Variants in FSD1L observed in about 807,000 individuals in gnomAD.
FSD1L encodes FSD1-like protein.
FSD1L carries 45 observed loss-of-function variants against 71.6 expected under a neutral mutation model. The observed-to-expected ratio is 0.63, with a 90% confidence interval of 0.49 to 0.81. FSD1L has a LOEUF of 0.81. FSD1L is among the 30% of genes least tolerant of loss of function. FSD1L has a pLI of 0.00. For missense variants in FSD1L, 561 were observed against 618.1 expected, an observed-to-expected ratio of 0.91 and a Z score of 0.98; for synonymous variants, 197 against 207.2, an observed-to-expected ratio of 0.95 and a Z score of 0.42.
At chr9:105,517,548 A>T (rs1173238466) in intron 10 of FSD1L, among the ~76,000 whole-genome samples, 3 of 152,222 alleles carry the variant, frequency 2.0e-5, no homozygotes, top group Admixed American at 1.3e-4. Context: ...AGAATTTCAT[A>T]TCCAGCCAAA....
chr9:105,488,606 T>C (rs1418098272), intron 7 of FSD1L, among the ~76,000 whole-genome samples: 3 of 152,196 alleles, frequency 2.0e-5, no homozygotes, highest in East Asian at 3.8e-4. Context: ...TCTTCCTAAG[T>C]GTCTGTATGA....
At chr9:105,546,331 C>A in intron 13 of FSD1L, 27 bp from the exon 14 acceptor site, 1 of 1,498,804 alleles carries the variant, frequency 6.7e-7, no homozygotes, top group Non-Finnish European at 8.9e-7. Flanking sequence ...GATTTGCAAT[C>A]TGACAGGTTT....
intron 1 of FSD1L, among the ~76,000 whole-genome samples, chr9:105,452,733 C>T (rs1588905446): frequency 2.5e-5 from 3 of 120,334 alleles, no homozygotes; most frequent in Middle Eastern, 4.0e-3. Flanking sequence ...CTTCTTTCCT[C>T]CTCTCCTCTC....
At chr9:105,484,598 G>A in intron 7 of FSD1L, 96 bp downstream of exon 7, 1 of 701,514 alleles carries the variant, frequency 1.4e-6, no homozygotes, top group Non-Finnish European at 2.1e-6. Context: ...TATTAAGGAA[G>A]TATAGTGTGA....
chr9:105,447,458 C>G (rs1829692752), upstream of FSD1L, among the ~76,000 whole-genome samples: 1 of 151,868 alleles, frequency 6.6e-6, no homozygotes, highest in African/African-American at 2.4e-5. Context: ...ATGAAACAAG[C>G]TCAGGCAGAC....
chr9:105,464,017 G>A (rs1830892201), intron 2 of FSD1L, among the ~76,000 whole-genome samples: 1 of 152,082 alleles, frequency 6.6e-6, no homozygotes, highest in African/African-American at 2.4e-5. Context: ...TGGTGATTAA[G>A]TTGCATATTA....
chr9:105,472,387 A>G (rs927680792), intron 5 of FSD1L: 5 of 174,714 alleles, frequency 2.9e-5, no homozygotes, highest in Admixed American at 2.5e-4. Context: ...CTTAAGGGAT[A>G]TGTTTAGTAT....
At chr9:105,479,163 C>T (rs1173064016) in intron 5 of FSD1L, among the ~76,000 whole-genome samples, 191 bp from the exon 6 acceptor site, 1 of 152,164 alleles carries the variant, frequency 6.6e-6, no homozygotes, top group African/African-American at 2.4e-5. Context: ...GGATTTTCTA[C>T]TATAATTCTA....
At chr9:105,545,897 C>T (rs953817624) in intron 13 of FSD1L, among the ~76,000 whole-genome samples, 4 of 151,844 alleles carry the variant, frequency 2.6e-5, no homozygotes, top group Non-Finnish European at 4.4e-5. Flanking sequence ...ATAGTTAACA[C>T]GGTAAGGAAG....
intron 10 of FSD1L, 109 bp from the exon 11 acceptor site, chr9:105,534,384 A>G: frequency 1.6e-6 from 1 of 609,020 alleles, no homozygotes; most frequent in Non-Finnish European, 2.8e-6. Context: ...TATTTCTATA[A>G]CATAATTAGA....
chr9:105,514,968 G>A (rs576128048), intron 10 of FSD1L, among the ~76,000 whole-genome samples: 4 of 152,250 alleles, frequency 2.6e-5, no homozygotes, highest in South Asian at 4.1e-4. Context: ...GCAGTTTTAC[G>A]CAGAGACACC....
intron 3 of FSD1L, among the ~76,000 whole-genome samples, chr9:105,467,506 A>T (rs1239324318): frequency 6.6e-6 from 1 of 152,162 alleles, no homozygotes; most frequent in African/African-American, 2.4e-5. Context: ...TGCATTATTG[A>T]CCATGTTACT....
chr9:105,505,597 A>G (rs895775926), intron 7 of FSD1L, among the ~76,000 whole-genome samples: 2 of 152,120 alleles, frequency 1.3e-5, no homozygotes, highest in African/African-American at 4.8e-5. Context: ...AATGTCATCC[A>G]CAAAGAGTTT....
chr9:105,460,292 A>G (rs1411470620), intron 1 of FSD1L, among the ~76,000 whole-genome samples: 5 of 152,126 alleles, frequency 3.3e-5, no homozygotes, highest in African/African-American at 1.2e-4. Flanking sequence ...GGAATGGTAA[A>G]GATAAGATTA....
intron 9 of FSD1L, among the ~76,000 whole-genome samples, chr9:105,509,521 C>G (rs1834275521): frequency 6.6e-6 from 1 of 152,168 alleles, no homozygotes; most frequent in Admixed American, 6.5e-5. Context: ...GAACCAGACT[C>G]TACACATTCT....
intron 7 of FSD1L, among the ~76,000 whole-genome samples, chr9:105,504,434 G>A (rs1487628985): frequency 1.3e-5 from 2 of 152,122 alleles, no homozygotes; most frequent in African/African-American, 4.8e-5. Context: ...TAGTGGAAAT[G>A]GATCATCCTT....
intron 2 of FSD1L, among the ~76,000 whole-genome samples, chr9:105,462,225 T>G (rs1830748716): frequency 1.3e-5 from 2 of 151,262 alleles, no homozygotes; most frequent in Non-Finnish European, 3.0e-5. Flanking sequence ...TTTTGTTTTT[T>G]TTTTTTTTGA....
chr9:105,526,016 C>T, intron 10 of FSD1L: 4 of 1,525,530 alleles, frequency 2.6e-6, no homozygotes, highest in Non-Finnish European at 3.6e-6. Flanking sequence ...GGAATTATTC[C>T]CACAGAATTT....
intron 13 of FSD1L, among the ~76,000 whole-genome samples, chr9:105,544,727 A>G (rs1363954886): frequency 6.6e-6 from 1 of 152,170 alleles, no homozygotes; most frequent in Non-Finnish European, 1.5e-5. Context: ...GTCAAAGATC[A>G]GATGGTTGTT....
Sources: allele counts gnomAD v4.1 joint callset (sites outside exome capture counted in the v4.1 genomes callset), GRCh38; gene constraint gnomAD v4.1.1; transcripts MANE v1.5; gene names NCBI Gene and HGNC (gene_info 2026-07-23, HGNC 2026-07-21).